Variants in CUX1 observed in about 807,000 individuals in gnomAD.
CUX1 encodes cut like homeobox 1.
In CUX1, 31 loss-of-function variants were observed where a neutral mutation model predicts 158.8. The observed-to-expected ratio is 0.20, with a 90% CI of 0.15 to 0.26. CUX1 has a LOEUF of 0.26. Among genes scored for constraint, CUX1 ranks in the 10% least tolerant of loss-of-function variants. CUX1 has a pLI of 1.00. For missense variants in CUX1, 1,589 were observed against 2,014.6 expected, an observed-to-expected ratio of 0.79 and a Z score of 4.04; for synonymous variants, 879 against 862.1, an observed-to-expected ratio of 1.02 and a Z score of -0.34.
intron 2 of CUX1, among the ~76,000 whole-genome samples, chr7:101,917,960 C>T (rs145517727): frequency 6.6e-6 from 1 of 152,226 alleles, no homozygotes; most frequent in Non-Finnish European, 1.5e-5. Context: ...CATAACAAGA[C>T]TCATCTCTGT....
chr7:101,906,360 G>A (rs1802753729), intron 1 of CUX1, among the ~76,000 whole-genome samples: 1 of 151,812 alleles, frequency 6.6e-6, no homozygotes, highest in Admixed American at 6.6e-5. Context: ...AGGGAGCTGG[G>A]GAAGTGGCAT....
chr7:102,000,889 C>A (rs1004433985), intron 2 of CUX1, among the ~76,000 whole-genome samples: 19 of 152,120 alleles, frequency 1.2e-4, no homozygotes, highest in African/African-American at 4.6e-4. Flanking sequence ...CCCACCTCAC[C>A]CTCCCTGAGT....
chr7:102,238,065 T>A (rs1013128331), intron 22 of CUX1, among the ~76,000 whole-genome samples: 2 of 152,170 alleles, frequency 1.3e-5, no homozygotes, highest in Non-Finnish European at 2.9e-5. Flanking sequence ...GAAGGCAGAC[T>A]AGGAGCGTGA....
At chr7:101,958,117 C>T (rs375719462) in intron 2 of CUX1, among the ~76,000 whole-genome samples, 3 of 152,182 alleles carry the variant, frequency 2.0e-5, no homozygotes, top group Non-Finnish European at 4.4e-5. Context: ...ATATTGCCAC[C>T]GTGCCATGTG....
chr7:102,237,899 A>G (rs1318907195), intron 22 of CUX1, among the ~76,000 whole-genome samples: 1 of 100,966 alleles, frequency 9.9e-6, no homozygotes, highest in South Asian at 4.0e-4. Context: ...TCACATGTCC[A>G]CTGGACAGGG....
In CUX1 at chr7:102,256,746, T is replaced by C; in HGVS notation, c.*7704T>C. ...TAGAGCCTCTGGTAAGACTTCTGGG[T>C]TCATGAAGTTTCGGCGAGCCGTGGT... On this transcript the variant is annotated 3_prime_UTR_variant, in exon 24 of 24. Transcript: ENST00000292535. The C allele has an allele frequency of 1.0e-6, 1 of 985,380 alleles. No individual in the cohort carries two copies. The highest frequency in any genetic ancestry group is 1.2e-6 in the Non-Finnish European group (1 of 829,940). 61.0% of individuals were successfully genotyped at this position (985,380 alleles called of 1,614,324 possible). A position where few individuals can be genotyped will look rare whatever the true frequency, so the allele number is the denominator to read the frequency against.
At chr7:102,040,360 T>C (rs2129698589) in intron 3 of CUX1, among the ~76,000 whole-genome samples, 1 of 152,190 alleles carries the variant, frequency 6.6e-6, no homozygotes, top group East Asian at 1.9e-4. Flanking sequence ...ATGGGGGCAG[T>C]GAGTGCCAGG....
At chr7:102,262,852 C>T (rs560771259), downstream of CUX1, among the ~76,000 whole-genome samples, 1 of 152,258 alleles carries the variant, frequency 6.6e-6, no homozygotes, top group Admixed American at 6.5e-5. Flanking sequence ...GACCGTGGGC[C>T]GCTGCCTTAC....
At chr7:102,034,086 C>T (rs1274863978) in intron 3 of CUX1, among the ~76,000 whole-genome samples, 2 of 122,116 alleles carry the variant, frequency 1.6e-5, no homozygotes, top group African/African-American at 3.2e-5. Context: ...GCGGAGGTTG[C>T]GGTGAGCTGA....
In CUX1 at chr7:102,200,061, C is replaced by G. The variant is rs782710623; in HGVS notation, c.1961-10C>G. The G allele has an allele frequency of 6.3e-7, 1 of 1,598,266 alleles. No individual in the cohort carries two copies. Among genetic ancestry groups the G allele is most frequent in the Non-Finnish European group, 8.5e-7 (1 of 1,174,276 alleles). ...GGGTTTGATGTCATTGGCGCAACTT[C>G]TCCCCACAGGTAACATCACCACCCG... On this transcript the variant is annotated splice_polypyrimidine_tract_variant and intron_variant, in intron 16 of 23. Transcript: ENST00000292535.
chr7:102,196,203 G>T (rs1563387661), intron 14 of CUX1, among the ~76,000 whole-genome samples: 1 of 152,228 alleles, frequency 6.6e-6, no homozygotes, highest in Non-Finnish European at 1.5e-5. Context: ...AGGGGGCTCG[G>T]TACGGTGCAT....
intron 1 of CUX1, among the ~76,000 whole-genome samples, chr7:101,883,343 G>C (rs1414092301): frequency 6.6e-6 from 1 of 152,164 alleles, no homozygotes; most frequent in African/African-American, 2.4e-5. Context: ...ATTGTATGGG[G>C]ATGAAACTAG....
intron 8 of CUX1, among the ~76,000 whole-genome samples, chr7:102,134,012 C>A (rs1833626147): frequency 1.3e-5 from 2 of 152,156 alleles, no homozygotes; most frequent in Non-Finnish European, 2.9e-5. Context: ...CAGTAAAGAA[C>A]AGTTGTTCCT....
intron 3 of CUX1, among the ~76,000 whole-genome samples, chr7:102,038,796 A>G (rs145890061): frequency 4.7e-4 from 72 of 152,214 alleles, no homozygotes; most frequent in Non-Finnish European, 2.8e-4. Context: ...TGACAAAAAA[A>G]TTTAAAAAGT....
At chr7:101,896,005 G>C (rs1045123595) in intron 1 of CUX1, among the ~76,000 whole-genome samples, 25 of 145,130 alleles carry the variant, frequency 1.7e-4, no homozygotes, top group Non-Finnish European at 3.3e-4. Flanking sequence ...AACCTCCCCA[G>C]ACTCCCAAGT....
chr7:102,159,721 C>T (rs577045447), intron 9 of CUX1, among the ~76,000 whole-genome samples: 4 of 150,890 alleles, frequency 2.7e-5, no homozygotes, highest in African/African-American at 7.3e-5. Flanking sequence ...TTTAGCAAGG[C>T]GTGGTGGCAG....
At chr7:102,093,780 T>C (rs1828903424) in intron 4 of CUX1, among the ~76,000 whole-genome samples, 1 of 152,228 alleles carries the variant, frequency 6.6e-6, no homozygotes, top group Non-Finnish European at 1.5e-5. Context: ...ATCAGATGAT[T>C]GTAAAACACT....
chr7:102,198,510 C>T (rs561530061), intron 15 of CUX1, among the ~76,000 whole-genome samples: 42 of 152,330 alleles, frequency 2.8e-4, no homozygotes, highest in African/African-American at 9.9e-4. Context: ...TGGGGGCTGG[C>T]GGGTGATCCT....
intron 2 of CUX1, among the ~76,000 whole-genome samples, chr7:101,941,914 G>A (rs1482201096): frequency 6.6e-6 from 1 of 152,134 alleles, no homozygotes; most frequent in Non-Finnish European, 1.5e-5. Flanking sequence ...CAGACACAAG[G>A]GAAAGGTTTC....
Sources: gnomAD v4.1 joint callset for allele counts (sites outside exome capture counted in the v4.1 genomes callset) on GRCh38, gnomAD v4.1.1 for gene constraint, MANE v1.5 for transcripts, NCBI Gene and HGNC (gene_info 2026-07-23, HGNC 2026-07-21) for gene names.